The following LYST variants were observed in gnomAD, a reference collection of about 807,000 sequenced individuals.
LYST encodes the protein lysosomal trafficking regulator.
LYST carries 192 observed loss-of-function variants against 413.6 expected under a neutral mutation model. The ratio of observed to expected loss-of-function variants is 0.46; its 90% CI spans 0.41 to 0.52. The LOEUF (loss-of-function observed/expected upper bound fraction) is 0.52. Ranked by LOEUF, LYST falls within the 20% of genes least tolerant of loss-of-function variation. The probability of loss-of-function intolerance (pLI) is 0.00; values close to 1 mark genes in which losing one functional copy is unlikely to be tolerated. For missense variants in LYST, 3,815 were observed against 4,499.9 expected (o/e 0.85, Z 4.35); for synonymous variants, 1,525 against 1,567.3 (o/e 0.97, Z 0.64).
intron 3 of LYST, among the ~76,000 whole-genome samples, chr1:235,814,982 A>G (rs1013941494): frequency 1.3e-5 from 2 of 152,052 alleles, no homozygotes; most frequent in African/African-American, 2.4e-5. Flanking sequence ...TGTTTCTGCA[A>G]TTCTCCATCC....
chr1:235,762,676 G>C (rs755897973), intron 22 of LYST, 44 bp downstream of exon 22: 2 of 1,581,454 alleles, frequency 1.3e-6, no homozygotes, highest in Non-Finnish European at 1.7e-6. Context: ...AGAATATTCA[G>C]AACTAAAATG....
At chr1:235,874,417 G>A (rs1033956312) in intron 1 of LYST, among the ~76,000 whole-genome samples, 1 of 152,194 alleles carries the variant, frequency 6.6e-6, no homozygotes, top group South Asian at 2.1e-4. Flanking sequence ...AACATTGTGC[G>A]TAGGATTCTC....
At chr1:235,837,139 G>C (rs985293391) in intron 1 of LYST, among the ~76,000 whole-genome samples, 1 of 152,178 alleles carries the variant, frequency 6.6e-6, no homozygotes, top group African/African-American at 2.4e-5. Context: ...ATGAGTGTAA[G>C]GGAGCAGAGA....
At chr1:235,737,916 A>ACGAAG in intron 31 of LYST, 1 of 1,163,406 alleles carries the variant, frequency 8.6e-7, no homozygotes, top group Non-Finnish European at 1.1e-6. Context: ...GCTGCCGACG[A>ACGAAG]GTCTGGATCT....
At chr1:235,878,347 G>T (rs1156723950) in intron 1 of LYST, among the ~76,000 whole-genome samples, 1 of 152,162 alleles carries the variant, frequency 6.6e-6, no homozygotes, top group East Asian at 1.9e-4. Context: ...CAGTGTGCAA[G>T]CTGCCATTGA....
chr1:235,719,585 T>C (rs1663153700), intron 40 of LYST, among the ~76,000 whole-genome samples: 1 of 146,382 alleles, frequency 6.8e-6, no homozygotes, highest in African/African-American at 2.6e-5. Context: ...CTTCCTGATA[T>C]GATACAATAT....
At position 235,854,269 on chromosome 1, in the gene LYST, G is replaced by C. The variant is rs565015779; in HGVS notation, c.-98+12574C>G. ...TATTATCCCTAGTTGACACATATTG[G>C]AAACTGAAGCACAGTAAGGTTAGGT... is the stretch of plus-strand genomic sequence containing the variant. On this transcript the variant is annotated intron_variant, in intron 1 of 52. Coordinates refer to ENST00000389793, the MANE Select transcript of LYST (RefSeq NM_000081.4). This position sits in a 1 kb window ranked among gnomAD's most constrained non-coding sequence, Gnocchi z 4.1. Among the ~76,000 whole-genome samples, 1 of 152,274 alleles carries C rather than the reference G, an allele frequency of 6.6e-6. No individual in the cohort carries two copies. Among genetic ancestry groups the C allele is most frequent in the East Asian group, 1.9e-4 (1 of 5,184 alleles).
Position 235,813,023 on chromosome 1 carries a change from C to T in LYST, c.231G>A (p.Leu77=), listed in dbSNP as rs889128042. 2.0e-5 allele frequency: 33 copies of T among 1,612,082 alleles called. No individual in the cohort carries two copies. Among genetic ancestry groups the T allele is most frequent in the Non-Finnish European group, 2.7e-5 (32 of 1,178,516 alleles). Residue 77 remains leucine (L), a synonymous_variant, in exon 4 of 53, where the codon CTG becomes CTA. Transcript: ENST00000389793. ...TCTTCCATACCAGTGGAAGGAGAGA[C>T]AGAAGAAGAGTCAGGAGTTCTTCTC... ...TCREELLTLL[L]SLLPLVWKIP...
intron 3 of LYST, among the ~76,000 whole-genome samples, chr1:235,817,967 A>T (rs1674349900): frequency 6.6e-6 from 1 of 152,190 alleles, no homozygotes; most frequent in South Asian, 2.1e-4. Context: ...TGAAGGAGAA[A>T]ATACGTAAGT....
intron 4 of LYST, among the ~76,000 whole-genome samples, chr1:235,811,153 A>G (rs1419077007): frequency 6.6e-6 from 1 of 152,288 alleles, no homozygotes; most frequent in Non-Finnish European, 1.5e-5. Context: ...TCAAAACAAC[A>G]ACAACAAACA....
chr1:235,828,643 T>C, intron 3 of LYST: 3 of 407,404 alleles, frequency 7.4e-6, no homozygotes, highest in Non-Finnish European at 9.9e-6. Context: ...GTACATATTT[T>C]ATTAGAGTCA....
chr1:235,816,457 T>TAAA (rs1231395765), intron 3 of LYST, among the ~76,000 whole-genome samples: 2 of 103,408 alleles, frequency 1.9e-5, no homozygotes, highest in African/African-American at 1.0e-4. Flanking sequence ...AATAAATAAA[T>TAAA]AAAAAATAAA....
chr1:235,850,647 T>C (rs1411551414), intron 1 of LYST, among the ~76,000 whole-genome samples: 1 of 151,816 alleles, frequency 6.6e-6, no homozygotes, highest in African/African-American at 2.4e-5. Context: ...AGGACTAATA[T>C]CCAGAATCTA....
At chr1:235,724,279 C>CT in intron 38 of LYST, 99 bp from the exon 39 acceptor site, 2 of 1,089,016 alleles carry the variant, frequency 1.8e-6, no homozygotes, top group Non-Finnish European at 2.7e-6. Context: ...AACAGAAAAT[C>CT]TTTTTGTGGC....
intron 1 of LYST, among the ~76,000 whole-genome samples, chr1:235,843,066 A>T (rs1300557008): frequency 6.6e-6 from 1 of 152,178 alleles, no homozygotes; most frequent in Non-Finnish European, 1.5e-5. Flanking sequence ...AATGCTACCA[A>T]GGACATTACA....
At chr1:235,799,753 C>T (rs1671988321) in intron 10 of LYST, among the ~76,000 whole-genome samples, 1 of 151,972 alleles carries the variant, frequency 6.6e-6, no homozygotes, top group South Asian at 2.1e-4. Context: ...ACAGTCCCCA[C>T]TATGCCACTT....
chr1:235,814,633 T>C (rs1673838830), intron 3 of LYST, among the ~76,000 whole-genome samples: 1 of 152,130 alleles, frequency 6.6e-6, no homozygotes, highest in Non-Finnish European at 1.5e-5. Context: ...GTAACTGGAA[T>C]GCCCCTTAAC....
Position 235,709,216 on chromosome 1 carries a change from T to C in LYST, c.10018A>G (p.Ile3340Val). The C allele has an allele frequency of 6.2e-7, 1 of 1,614,020 alleles. No individual in the cohort carries two copies. The highest frequency in any genetic ancestry group is 8.5e-7 in the Non-Finnish European group (1 of 1,179,952). ...ARNDPRLFILIHRQALESDYV... is the reference protein window; with the variant it reads ...ARNDPRLFILVHRQALESDYV... Reference sequence around the variant, plus strand: ...TCAGACTCTAGAGCCTGCCGATGGATGAGGATAAAAAGACGAGGATCATTA... The same window carrying C: ...TCAGACTCTAGAGCCTGCCGATGGACGAGGATAAAAAGACGAGGATCATTA... Residue 3340 changes from isoleucine (I) to valine (V), a missense_variant, in exon 44 of 53, where the codon ATC becomes GTC. By Grantham distance (29) the Ile-to-Val change is conservative. Coordinates refer to ENST00000389793, the MANE Select transcript of LYST (RefSeq NM_000081.4).
At chr1:235,828,037 T>C (rs1675531930) in intron 3 of LYST, 2 of 469,974 alleles carry the variant, frequency 4.3e-6, no homozygotes, top group South Asian at 9.1e-5. Flanking sequence ...ACATCATTAG[T>C]TGTTAGAGGA....
Sources: allele counts gnomAD v4.1 joint callset (sites outside exome capture counted in the v4.1 genomes callset), GRCh38; gene constraint gnomAD v4.1.1; non-coding constraint Gnocchi (gnomAD v3.1); transcripts MANE v1.5; gene names NCBI Gene and HGNC (gene_info 2026-07-23, HGNC 2026-07-21).